Variants in GRIK3 observed in about 807,000 individuals in gnomAD.
The protein encoded by GRIK3 is glutamate ionotropic receptor kainate type subunit 3.
Under a neutral mutation model 102.5 loss-of-function variants are expected in GRIK3, and 29 were observed. The observed-to-expected ratio is 0.28, with a 90% CI of 0.21 to 0.39. The LOEUF (loss-of-function observed/expected upper bound fraction) is 0.39. Ranked by LOEUF, GRIK3 falls within the 10% of genes least tolerant of loss-of-function variation. The probability of loss-of-function intolerance (pLI) is 1.00; values close to 1 mark genes in which losing one functional copy is unlikely to be tolerated. For missense variants in GRIK3, 908 were observed against 1,252.4 expected (o/e 0.73, Z 4.15); for synonymous variants, 511 against 504.9 (o/e 1.01, Z -0.16).
At chr1:36,986,816 A>G (rs1642311899) in intron 1 of GRIK3, among the ~76,000 whole-genome samples, 1 of 152,178 alleles carries the variant, frequency 6.6e-6, no homozygotes, top group Non-Finnish European at 1.5e-5. Context: ...ACACATTCCG[A>G]CTTACCTTAG....
chr1:36,978,846 C>T (rs1328738581), intron 1 of GRIK3, among the ~76,000 whole-genome samples: 2 of 152,140 alleles, frequency 1.3e-5, no homozygotes, highest in Non-Finnish European at 2.9e-5. Flanking sequence ...TTCTATTGGC[C>T]AAAGTAAGTC....
chr1:36,901,028 A>G (rs1230024004), intron 1 of GRIK3, among the ~76,000 whole-genome samples: 1 of 152,234 alleles, frequency 6.6e-6, no homozygotes, highest in East Asian at 1.9e-4. Flanking sequence ...TCTCTATTAA[A>G]GAAATTGAAT....
At chr1:36,950,010 C>T (rs1450884457) in intron 1 of GRIK3, among the ~76,000 whole-genome samples, 1 of 152,202 alleles carries the variant, frequency 6.6e-6, no homozygotes, top group Non-Finnish European at 1.5e-5. Context: ...GGCCACCTGG[C>T]TCTAGAGTGT....
intron 1 of GRIK3, among the ~76,000 whole-genome samples, chr1:36,972,606 G>A (rs1642156005): frequency 6.6e-6 from 1 of 152,124 alleles, no homozygotes. Context: ...TTACGTTCAG[G>A]GAGTCAAAAT....
At chr1:36,997,713 G>C (rs897393601) in intron 1 of GRIK3, among the ~76,000 whole-genome samples, 1 of 152,164 alleles carries the variant, frequency 6.6e-6, no homozygotes, top group Non-Finnish European at 1.5e-5. Flanking sequence ...TGGTGGTCAG[G>C]CCCAGTCTGA....
intron 1 of GRIK3, among the ~76,000 whole-genome samples, chr1:37,022,074 G>A (rs1178717687): frequency 6.6e-6 from 1 of 152,206 alleles, no homozygotes; most frequent in Non-Finnish European, 1.5e-5. Flanking sequence ...TATATTCCCA[G>A]GGCTAAATGG....
chr1:36,994,189 G>A (rs1018188269), intron 1 of GRIK3, among the ~76,000 whole-genome samples: 8 of 152,198 alleles, frequency 5.3e-5, no homozygotes, highest in Non-Finnish European at 8.8e-5. Flanking sequence ...TTCTCAGTTC[G>A]GTGACCTAAA....
At chr1:36,895,366 C>T (rs1212406570) in intron 1 of GRIK3, among the ~76,000 whole-genome samples, 1 of 151,592 alleles carries the variant, frequency 6.6e-6, no homozygotes, top group East Asian at 1.9e-4. Context: ...GATTAATATG[C>T]TAAGGGCTCT....
intron 11 of GRIK3, among the ~76,000 whole-genome samples, chr1:36,823,348 C>T (rs1007719319): frequency 6.6e-6 from 1 of 151,672 alleles, no homozygotes; most frequent in African/African-American, 2.4e-5. Context: ...GTGGTGGGCA[C>T]CTGTAGTCCC....
chr1:36,880,715 C>T lies in GRIK3; in HGVS notation c.469G>A (p.Ala157Thr), dbSNP rs754926298. The T allele has an allele frequency of 1.4e-5, 23 of 1,613,992 alleles. No homozygotes were observed. The highest frequency in any genetic ancestry group is 1.3e-4 in the Admixed American group (8 of 60,000). Residue 157 changes from alanine to threonine, a missense_variant, in exon 3 of 16, where the codon GCC (alanine) becomes ACC (threonine). By Grantham distance (58) the Ala-to-Thr change is moderately conservative (BLOSUM62 0). This residue lies in a region of GRIK3 where 585 missense variants were observed against 824.9 expected (regional missense o/e 0.71). Transcript: ENST00000373091. The surrounding 1 kb of genome is among the most constrained non-coding windows in gnomAD (Gnocchi z 5.4). ...TCGAGGATGGCATGGCTGAGCGAGG[C>T]GTAGTCGGGGTAGAGGTTCACGTAG... ...TFYVNLYPDY[A>T]SLSHAILDLV... is the part of the protein sequence containing the mutation.
At chr1:36,829,366 G>A (rs528172059) in intron 10 of GRIK3, among the ~76,000 whole-genome samples, 2 of 151,758 alleles carry the variant, frequency 1.3e-5, no homozygotes, top group Admixed American at 6.6e-5. Context: ...AAGTCTATTC[G>A]AGGAATACAT....
intron 1 of GRIK3, among the ~76,000 whole-genome samples, chr1:37,018,119 G>A (rs1418921531): frequency 6.6e-6 from 1 of 152,130 alleles, no homozygotes; most frequent in East Asian, 1.9e-4. Flanking sequence ...CTCATCTTTG[G>A]GAAGGTGGAT....
chr1:36,899,242 A>G (rs1055238540), intron 1 of GRIK3, among the ~76,000 whole-genome samples: 1 of 152,200 alleles, frequency 6.6e-6, no homozygotes, highest in Non-Finnish European at 1.5e-5. Flanking sequence ...GTAAAATGCA[A>G]CCTATAGAAT....
At chr1:36,810,506 T>A (rs1203805850) in intron 13 of GRIK3, among the ~76,000 whole-genome samples, 1 of 152,166 alleles carries the variant, frequency 6.6e-6, no homozygotes, top group Non-Finnish European at 1.5e-5. Flanking sequence ...AAGAAGCAAA[T>A]TGATTTTCCC....
chr1:36,860,521 G>C (rs559631075), intron 5 of GRIK3, among the ~76,000 whole-genome samples: 1 of 152,112 alleles, frequency 6.6e-6, no homozygotes, highest in African/African-American at 2.4e-5. Context: ...CTTTTCCCCC[G>C]ATCCCAGCCA....
intron 1 of GRIK3, among the ~76,000 whole-genome samples, chr1:36,996,545 A>G (rs1031400210): frequency 6.6e-6 from 1 of 152,180 alleles, no homozygotes; most frequent in Non-Finnish European, 1.5e-5. Flanking sequence ...CTACTCAAAG[A>G]GACTTGACTC....
At chr1:36,878,324 G>A (rs981141510) in intron 3 of GRIK3, among the ~76,000 whole-genome samples, 4 of 152,266 alleles carry the variant, frequency 2.6e-5, no homozygotes, top group African/African-American at 9.6e-5. Flanking sequence ...AATAAGCCAG[G>A]CTGGGGATCC....
chr1:36,847,678 GCAGTTATTAA>G (rs1340652992), intron 9 of GRIK3, among the ~76,000 whole-genome samples: 1 of 152,246 alleles, frequency 6.6e-6, no homozygotes, highest in African/African-American at 2.4e-5. Context: ...TGAAGTAGGT[GCAGTTATTAA>G]CACCTCCCTT....
intron 1 of GRIK3, among the ~76,000 whole-genome samples, chr1:36,917,673 G>T (rs1570798225): frequency 1.3e-5 from 2 of 152,214 alleles, no homozygotes; most frequent in Admixed American, 6.5e-5. Flanking sequence ...TGCCATGATT[G>T]TAAAGCCTTC....
Sources: gnomAD v4.1 joint callset for allele counts (sites outside exome capture counted in the v4.1 genomes callset) on GRCh38, gnomAD v4.1.1 for gene constraint, gnomAD v4.1.1 regional missense constraint, Gnocchi (gnomAD v3.1) non-coding constraint, MANE v1.5 for transcripts, NCBI Gene and HGNC (gene_info 2026-07-23, HGNC 2026-07-21) for gene names.